The following TNRC6B variants were observed in gnomAD, a reference collection of about 807,000 sequenced individuals.
TNRC6B encodes trinucleotide repeat containing adaptor 6B.
In TNRC6B, 52 loss-of-function variants were observed where a neutral mutation model predicts 203.6. The ratio of observed to expected loss-of-function variants is 0.26; its 90% CI spans 0.20 to 0.32. The LOEUF (loss-of-function observed/expected upper bound fraction) is 0.32, where lower values mean the gene tolerates loss of function less well. Among genes scored for constraint, TNRC6B ranks in the 10% least tolerant of loss-of-function variants. The probability of loss-of-function intolerance (pLI) is 1.00; values close to 1 mark genes in which losing one functional copy is unlikely to be tolerated. For synonymous variants in TNRC6B, 838 were observed against 845.7 expected, an observed-to-expected ratio of 0.99 and a Z score of 0.16; for missense variants, 1,923 against 2,286.2, an observed-to-expected ratio of 0.84 and a Z score of 3.24.
chr22:40,262,259 G>A, intron 4 of TNRC6B, 86 bp downstream of exon 4: 1 of 1,234,086 alleles, frequency 8.1e-7, no homozygotes, highest in Non-Finnish European at 1.1e-6. Flanking sequence ...GTCCAGGAAA[G>A]CCATTCATTA....
chr22:40,322,253 A>T (rs757372559), intron 22 of TNRC6B, among the ~76,000 whole-genome samples: 3 of 152,190 alleles, frequency 2.0e-5, no homozygotes, highest in Non-Finnish European at 4.4e-5. Flanking sequence ...CGAGAGGAAG[A>T]TACAAAGATT....
At chr22:40,220,795 T>G (rs1419983153) in intron 1 of TNRC6B, among the ~76,000 whole-genome samples, 1 of 152,196 alleles carries the variant, frequency 6.6e-6, no homozygotes, top group Admixed American at 6.5e-5. Context: ...TTTTAAAGCC[T>G]TTGTTTTAGG....
At chr22:40,203,060 G>C (rs979411061) in intron 1 of TNRC6B, among the ~76,000 whole-genome samples, 3 of 152,156 alleles carry the variant, frequency 2.0e-5, no homozygotes, top group African/African-American at 7.2e-5. Flanking sequence ...CATTAGCTCA[G>C]TAGCAGGTTT....
intron 12 of TNRC6B, among the ~76,000 whole-genome samples, chr22:40,291,945 C>A (rs933090987): frequency 2.6e-5 from 4 of 152,230 alleles, no homozygotes; most frequent in Non-Finnish European, 5.9e-5. Context: ...GTAATCCCAG[C>A]ACTTTGGGAG....
intron 4 of TNRC6B, among the ~76,000 whole-genome samples, chr22:40,159,856 G>C (rs926502335): frequency 2.6e-5 from 4 of 151,704 alleles, no homozygotes; most frequent in Non-Finnish European, 4.4e-5. Context: ...CTGTCACCTA[G>C]GCTAGGGTGC....
chr22:40,213,496 G>A (rs1415361044), intron 1 of TNRC6B, among the ~76,000 whole-genome samples: 1 of 152,184 alleles, frequency 6.6e-6, no homozygotes, highest in African/African-American at 2.4e-5. Context: ...CCAGTCACGG[G>A]AAGCCACTGA....
intron 3 of TNRC6B, among the ~76,000 whole-genome samples, chr22:40,127,164 T>C (rs1052936391): frequency 5.3e-5 from 8 of 152,104 alleles, no homozygotes; most frequent in Non-Finnish European, 1.2e-4. Flanking sequence ...GTATTACTTT[T>C]ACTTCCCTCT....
intron 2 of TNRC6B, among the ~76,000 whole-genome samples, chr22:40,249,706 A>G (rs574011907): frequency 6.6e-6 from 1 of 152,354 alleles, no homozygotes; most frequent in East Asian, 1.9e-4. Context: ...AGTTACAATG[A>G]TATAAAACCT....
chr22:40,271,004 G>T (rs1376831486), intron 6 of TNRC6B, among the ~76,000 whole-genome samples: 1 of 152,130 alleles, frequency 6.6e-6, no homozygotes, highest in Admixed American at 6.6e-5. Context: ...ACCTTCCTTT[G>T]CCGTTGTCTC....
chr22:40,251,931 A>C (rs546823242), intron 3 of TNRC6B, among the ~76,000 whole-genome samples: 1 of 152,328 alleles, frequency 6.6e-6, no homozygotes, highest in South Asian at 2.1e-4. Context: ...TAAAACTTAG[A>C]ATATGCTTTT....
chr22:40,063,123 A>G (rs1010382869), intron 1 of TNRC6B, among the ~76,000 whole-genome samples: 2 of 152,192 alleles, frequency 1.3e-5, no homozygotes, highest in Non-Finnish European at 2.9e-5. Context: ...GAGGAGTCCA[A>G]CTTAATTCTT....
intron 3 of TNRC6B, among the ~76,000 whole-genome samples, chr22:40,261,077 C>T (rs896087285): frequency 6.6e-6 from 1 of 151,640 alleles, no homozygotes; most frequent in Non-Finnish European, 1.5e-5. Context: ...TTCAGGAGTT[C>T]GAGACCAGTC....
At chr22:40,315,595 C>T in intron 20 of TNRC6B, 88 bp downstream of exon 20, 1 of 1,380,092 alleles carries the variant, frequency 7.2e-7, no homozygotes, top group Non-Finnish European at 9.9e-7. Flanking sequence ...AGAGGTCTTC[C>T]CAAGAGAGGA....
In TNRC6B at chr22:40,233,399, G is replaced by A. The variant is rs1601906660; in HGVS notation, c.6-12616G>A. On this transcript the variant is annotated intron_variant, in intron 1 of 22. Transcript: ENST00000454349. ...AGCACTTTGGGAGGCCGAGGAGGGT[G>A]GATCACAAGGTCAAGAGATCAAGAC... is the stretch of plus-strand genomic sequence containing the variant. 2.0e-5 allele frequency among the ~76,000 whole-genome samples: 3 copies of A among 151,682 alleles called. No homozygotes were observed. In the East Asian group the frequency reaches 5.9e-4, roughly 30 times the overall value.
intron 3 of TNRC6B, among the ~76,000 whole-genome samples, chr22:40,148,665 G>GCT (rs1386666178): frequency 3.6e-4 from 20 of 55,936 alleles, no homozygotes; most frequent in African/African-American, 2.9e-3. Flanking sequence ...GAATTATGTT[G>GCT]AAATACGAAC....
chr22:40,230,161 A>G (rs2069847433), intron 1 of TNRC6B, among the ~76,000 whole-genome samples: 1 of 151,662 alleles, frequency 6.6e-6, no homozygotes, highest in South Asian at 2.1e-4. Flanking sequence ...TTGACATCTC[A>G]TTGTGGCTTT....
chr22:40,270,464 C>T (rs942957965), intron 6 of TNRC6B, among the ~76,000 whole-genome samples, 184 bp downstream of exon 6: 3 of 151,924 alleles, frequency 2.0e-5, no homozygotes, highest in Admixed American at 6.6e-5. Context: ...GGATTACAGG[C>T]GCCCGCCACC....
chr22:40,232,880 G>A (rs1367895325), intron 1 of TNRC6B, among the ~76,000 whole-genome samples: 2 of 152,168 alleles, frequency 1.3e-5, no homozygotes, highest in African/African-American at 2.4e-5. Flanking sequence ...GGCTGGGCGC[G>A]ATGGCTCACG....
At chr22:40,113,127 T>C (rs1156779992) in intron 1 of TNRC6B, among the ~76,000 whole-genome samples, 1 of 151,952 alleles carries the variant, frequency 6.6e-6, no homozygotes. Flanking sequence ...AAAGCTGGAC[T>C]AGGAAGGGAA....
Sources: allele counts gnomAD v4.1 joint callset (sites outside exome capture counted in the v4.1 genomes callset), GRCh38; gene constraint gnomAD v4.1.1; transcripts MANE v1.5; gene names NCBI Gene and HGNC (gene_info 2026-07-23, HGNC 2026-07-21).